AK2: variants seen among roughly 807,000 people sequenced by gnomAD.
AK2 encodes adenylate kinase 2, mitochondrial.
AK2 carries 15 observed loss-of-function variants against 24.6 expected under a neutral mutation model. The observed-to-expected ratio is 0.61, with a 90% CI of 0.41 to 0.94. AK2 has a LOEUF of 0.94. Ranked by LOEUF, AK2 falls within the 40% of genes least tolerant of loss-of-function variation. The pLI, the probability that AK2 is intolerant of heterozygous loss-of-function variation, is 0.00. For missense variants in AK2, 257 were observed against 304.1 expected, an observed-to-expected ratio of 0.85 and a Z score of 1.15; for synonymous variants, 102 against 114.0, an observed-to-expected ratio of 0.90 and a Z score of 0.67.
chr1:33,036,686 G>C, intron 1 of AK2, 50 bp downstream of exon 1: 1 of 1,509,930 alleles, frequency 6.6e-7, no homozygotes. Context: ...CGGCCGCCTT[G>C]ACCTTGGAGT....
At chr1:33,025,093 G>A (rs567998479) in intron 1 of AK2, among the ~76,000 whole-genome samples, 1 of 146,628 alleles carries the variant, frequency 6.8e-6, no homozygotes, top group Non-Finnish European at 1.5e-5. Context: ...GCTGAGGTAG[G>A]AGAATTATTT....
rs1362413193 is a variant in AK2, at chr1:33,010,753, T to G, written c.*2428A>C. ...ATCCTCACCCTGACCACCCTTCCCC[T>G]CTGCCCAGCACCTAAGAGCAGGGAT... On this transcript the variant is annotated 3_prime_UTR_variant, in exon 6 of 6. Transcript: ENST00000672715. 6.2e-7 allele frequency: 1 copy of G among 1,614,134 alleles called. No homozygotes were observed. Among genetic ancestry groups the G allele is most frequent in the African/African-American group, 1.3e-5 (1 of 74,964 alleles).
rs531667491 is a variant in AK2 at position 33,020,012 on chromosome 1, T to C, written c.425+1355A>G. 31 of 1,515,096 alleles carry C rather than the reference T, an allele frequency of 2.0e-5. No homozygotes were observed. In the African/African-American group the frequency reaches 3.5e-4, roughly 17 times the overall value. 93.9% of individuals were successfully genotyped at this position (1,515,096 alleles called of 1,614,324 possible). ...AATAAAGAAGGGAATGGAGGGTCCA[T>C]TTGCAGTTGAAAGCTTCTGTCATAC... On this transcript the variant is annotated intron_variant, in intron 4 of 5. Transcript: ENST00000672715.
Position 33,009,563 on chromosome 1 carries a change from T to C in AK2, c.*3618A>G, listed in dbSNP as rs940103488. 3 of 454,160 alleles carry C rather than the reference T, an allele frequency of 6.6e-6. No homozygotes were observed. Among genetic ancestry groups the C allele is most frequent in the East Asian group, 6.9e-5 (1 of 14,398 alleles). 28.1% of individuals were successfully genotyped at this position (454,160 alleles called of 1,614,324 possible). A position where few individuals can be genotyped will look rare whatever the true frequency, so the allele number is the denominator to read the frequency against. On this transcript the variant is annotated 3_prime_UTR_variant, in exon 6 of 6. Coordinates refer to ENST00000672715, the MANE Select transcript of AK2 (RefSeq NM_001625.4). ...GTACTGAGCAAAAACCTTCTTCCTA[T>C]AAATTTCATTTAATGCCATTAAGGC...
rs926710680 is a variant in AK2 at position 33,010,977 on chromosome 1, G to C, written c.*2204C>G. On this transcript the variant is annotated 3_prime_UTR_variant, in exon 6 of 6. Coordinates refer to ENST00000672715, the MANE Select transcript of AK2 (RefSeq NM_001625.4). Reference sequence around the variant, plus strand: ...GACAGGTAAAAGCAGAACCTGCTGAGGCTGAGGAACTCTGGAATTAAATGA... The same window carrying C: ...GACAGGTAAAAGCAGAACCTGCTGACGCTGAGGAACTCTGGAATTAAATGA... The C allele has an allele frequency of 1.3e-6, 2 of 1,542,462 alleles. No homozygotes were observed. Among genetic ancestry groups the C allele is most frequent in the Non-Finnish European group, 1.7e-6 (2 of 1,143,596 alleles).
intron 1 of AK2, among the ~76,000 whole-genome samples, chr1:33,026,180 T>C (rs1378812298): frequency 6.6e-6 from 1 of 152,206 alleles, no homozygotes; most frequent in African/African-American, 2.4e-5. Context: ...ATCAGTTCAC[T>C]GGGAGTTTTC....
intron 2 of AK2, among the ~76,000 whole-genome samples, chr1:33,023,018 C>T (rs1280776476): frequency 2.6e-5 from 4 of 152,138 alleles, no homozygotes; most frequent in South Asian, 2.1e-4. Flanking sequence ...GCAGAGGTAT[C>T]ATTTGATACA....
intron 4 of AK2, among the ~76,000 whole-genome samples, chr1:33,015,057 C>T (rs942443395): frequency 6.6e-6 from 1 of 152,180 alleles, no homozygotes; most frequent in African/African-American, 2.4e-5. Context: ...AATCCTTTAA[C>T]AGAGATTTGT....
At chr1:33,023,495 G>C (rs978552676) in intron 2 of AK2, among the ~76,000 whole-genome samples, 3 of 152,112 alleles carry the variant, frequency 2.0e-5, no homozygotes, top group Non-Finnish European at 4.4e-5. Context: ...GCCGAAGTGG[G>C]AGGATCACTT....
chr1:33,021,657 G>C lies in AK2; in HGVS notation c.266C>G (p.Thr89Ser). ...VVELIEKNLE[T>S]PLCKNGFLLD... is the part of the protein sequence containing the mutation. ...AAGAAAACCATTTTTGCACAAGGGG[G>C]TCTCCAAATTCTTCTCAATGAGCTC... The change falls in exon 3 of 6, where the codon ACC (threonine) becomes AGC (serine). Residue 89 changes from threonine (T) to serine (S), a missense_variant. By Grantham distance (58) the Thr-to-Ser change is moderately conservative. Coordinates refer to ENST00000672715, the MANE Select transcript of AK2 (RefSeq NM_001625.4). The C allele has an allele frequency of 6.2e-7, 1 of 1,614,114 alleles. No individual in the cohort carries two copies. Among genetic ancestry groups the C allele is most frequent in the Non-Finnish European group, 8.5e-7 (1 of 1,179,998 alleles).
intron 2 of AK2, chr1:33,024,240 A>T (rs1021357792): frequency 2.8e-6 from 2 of 704,360 alleles, no homozygotes; most frequent in Middle Eastern, 4.1e-4. Context: ...TGGTTGTTCA[A>T]CAGAATTTTG....
Position 33,012,192 on chromosome 1 carries a change from A to C in AK2, c.*989T>G. 6.5e-7 allele frequency: 1 copy of C among 1,535,470 alleles called. No homozygotes were observed. Among genetic ancestry groups the C allele is most frequent in the Middle Eastern group, 1.7e-4 (1 of 5,982 alleles). On this transcript the variant is annotated 3_prime_UTR_variant, in exon 6 of 6. Coordinates refer to ENST00000672715, the MANE Select transcript of AK2 (RefSeq NM_001625.4). The stretch of plus-strand genomic sequence containing the variant: ...TGGTTTAATTCTCTGGCAACAATTC[A>C]GTTTTCAAACCCAATTCCCAAATAA...
intron 1 of AK2, among the ~76,000 whole-genome samples, chr1:33,027,843 C>T (rs954033093): frequency 9.2e-5 from 14 of 152,082 alleles, no homozygotes; most frequent in African/African-American, 3.1e-4. Flanking sequence ...GTAAAGAGCA[C>T]GCATGGGTTT....
intron 1 of AK2, among the ~76,000 whole-genome samples, chr1:33,035,524 G>C (rs1332031098): frequency 6.6e-6 from 1 of 152,216 alleles, no homozygotes; most frequent in Non-Finnish European, 1.5e-5. Context: ...TGGGAGCTCA[G>C]ACTTCCCTCT....
At chr1:33,031,684 G>A (rs1388432293) in intron 1 of AK2, 1 of 455,942 alleles carries the variant, frequency 2.2e-6, no homozygotes, top group African/African-American at 2.0e-5. Flanking sequence ...AAATAAGAGT[G>A]TGGGTCTCAG....
At chr1:33,023,399 T>TCAA (rs1368903761) in intron 2 of AK2, among the ~76,000 whole-genome samples, 1 of 141,758 alleles carries the variant, frequency 7.1e-6, no homozygotes, top group African/African-American at 2.6e-5. Flanking sequence ...AGACTCCATC[T>TCAA]CTACAACAAC....
chr1:33,018,306 A>T (rs1639320719), intron 4 of AK2, among the ~76,000 whole-genome samples: 1 of 152,164 alleles, frequency 6.6e-6, no homozygotes. Flanking sequence ...ATGGGTCCAT[A>T]TCATCTCAGA....
chr1:33,011,562 G>C lies in AK2; in HGVS notation c.*1619C>G. 7.8e-7 allele frequency: 1 copy of C among 1,287,748 alleles called. No homozygotes were observed. Among genetic ancestry groups the C allele is most frequent in the Non-Finnish European group, 1.0e-6 (1 of 989,048 alleles). 79.8% of individuals were successfully genotyped at this position (1,287,748 alleles called of 1,614,324 possible). On this transcript the variant is annotated 3_prime_UTR_variant, in exon 6 of 6. Coordinates refer to ENST00000672715, the MANE Select transcript of AK2 (RefSeq NM_001625.4). ...GATGGCAGGAGAGCTCAGGTCAGGA[G>C]GCTGGGCACTTTAGAGTCCACTGAA...
intron 2 of AK2, among the ~76,000 whole-genome samples, chr1:33,022,757 C>T (rs1639640518): frequency 6.6e-6 from 1 of 152,154 alleles, no homozygotes; most frequent in Non-Finnish European, 1.5e-5. Context: ...AAAGAAAAGT[C>T]TCCAGCCTGT....
Sources: allele counts gnomAD v4.1 joint callset (sites outside exome capture counted in the v4.1 genomes callset), GRCh38; gene constraint gnomAD v4.1.1; transcripts MANE v1.5; gene names NCBI Gene and HGNC (gene_info 2026-07-23, HGNC 2026-07-21).